EPB41: variants seen among roughly 807,000 people sequenced by gnomAD.
EPB41 encodes the protein protein 4.1.
A neutral mutation model predicts 108.0 loss-of-function variants in EPB41; 65 were observed. That is an observed-to-expected ratio of 0.60 (90% CI 0.49 to 0.74). EPB41 has a LOEUF of 0.74. Among genes scored for constraint, EPB41 ranks in the 30% least tolerant of loss-of-function variants. EPB41 has a pLI of 0.00. For missense variants in EPB41, 875 were observed against 1,037.0 expected (o/e 0.84, Z 2.15); for synonymous variants, 336 against 358.9 (o/e 0.94, Z 0.72).
intron 1 of EPB41, among the ~76,000 whole-genome samples, chr1:28,926,850 T>C (rs1401991674): frequency 6.6e-6 from 1 of 152,248 alleles, no homozygotes; most frequent in African/African-American, 2.4e-5. Flanking sequence ...CTAATGCTTA[T>C]TATATATAAA....
At chr1:28,928,793 G>A (rs1384721572) in intron 1 of EPB41, among the ~76,000 whole-genome samples, 1 of 152,192 alleles carries the variant, frequency 6.6e-6, no homozygotes, top group Non-Finnish European at 1.5e-5. Context: ...GAGTTTAAAT[G>A]TTAAAGGGGG....
At chr1:29,111,964 G>A (rs192323616) in intron 18 of EPB41, among the ~76,000 whole-genome samples, 273 of 149,930 alleles carry the variant, frequency 1.8e-3, no homozygotes, top group African/African-American at 6.5e-3. Flanking sequence ...ACAACAGAGC[G>A]AGACTCTGTC....
Position 29,008,777 on chromosome 1 carries a change from C to G in EPB41, c.787-3088C>G, listed in dbSNP as rs193225544. Among the ~76,000 whole-genome samples the G allele has an allele frequency of 2.6e-5, 4 of 152,316 alleles. No homozygotes were observed. The East Asian group carries it at 7.7e-4, about 29-fold the overall frequency. On this transcript the variant is annotated intron_variant, in intron 4 of 20. Coordinates refer to ENST00000343067, the MANE Select transcript of EPB41 (RefSeq NM_001376013.1). Reference sequence around the variant, plus strand: ...TGTTCTTTTCAGTTTTACATCTCTCCTCTTTGCCTCTGTGCTCCAGCTATG... The same window carrying G: ...TGTTCTTTTCAGTTTTACATCTCTCGTCTTTGCCTCTGTGCTCCAGCTATG...
At chr1:29,039,899 T>A (rs1035342641) in intron 11 of EPB41, among the ~76,000 whole-genome samples, 1 of 152,174 alleles carries the variant, frequency 6.6e-6, no homozygotes, top group African/African-American at 2.4e-5. Flanking sequence ...AAAGGAAAAT[T>A]GAGATTCCGA....
chr1:29,068,926 C>A, intron 16 of EPB41: 1 of 738,498 alleles, frequency 1.4e-6, no homozygotes, highest in Non-Finnish European at 1.9e-6. Context: ...ACACCCACAG[C>A]CTTTCGGCCT....
chr1:28,966,196 A>T (rs865927770), intron 1 of EPB41, among the ~76,000 whole-genome samples: 2 of 152,130 alleles, frequency 1.3e-5, no homozygotes, highest in African/African-American at 4.8e-5. Flanking sequence ...CAAAAAAAAA[A>T]AAAGAAAAAA....
At position 29,015,782 on chromosome 1, in the gene EPB41, G is replaced by A; in HGVS notation, c.905+15G>A. 6.7e-7 allele frequency: 1 copy of A among 1,487,086 alleles called. No homozygotes were observed. 92.1% of individuals were successfully genotyped at this position (1,487,086 alleles called of 1,614,324 possible). ...GACATAACAAGGTAAATAAGTAATA[G>A]TTAAATATGTAATTTATCATATAAT... On this transcript the variant is annotated intron_variant, in intron 6 of 20. Transcript: ENST00000343067.
At chr1:29,108,682 C>T (rs1011579599) in intron 17 of EPB41, among the ~76,000 whole-genome samples, 1 of 151,564 alleles carries the variant, frequency 6.6e-6, no homozygotes, top group Non-Finnish European at 1.5e-5. Context: ...CTCAGCCTCC[C>T]GAGTAGCTGG....
chr1:28,917,118 A>G (rs947190263), intron 1 of EPB41, among the ~76,000 whole-genome samples: 6 of 151,874 alleles, frequency 4.0e-5, no homozygotes, highest in South Asian at 2.1e-4. Context: ...AGTGTTTTAT[A>G]CCAAATGTCT....
intron 11 of EPB41, among the ~76,000 whole-genome samples, chr1:29,050,942 TGGGATTATA>T (rs1362678566): frequency 3.3e-5 from 5 of 152,132 alleles, no homozygotes; most frequent in South Asian, 2.1e-4. Flanking sequence ...CCCAAAGTGC[TGGGATTATA>T]GGCGTGAGCC....
In EPB41 at chr1:29,006,329, C is replaced by T. The variant is rs371641485; in HGVS notation, c.787-5536C>T. ...TTGGCTCACTGCAAGCTCCGCCTCCCGGGTTCACGCCATTCTCCTGCCTCA... is the reference window on the plus strand; with the variant it reads ...TTGGCTCACTGCAAGCTCCGCCTCCTGGGTTCACGCCATTCTCCTGCCTCA... On this transcript the variant is annotated intron_variant, in intron 4 of 20. Transcript: ENST00000343067. Among the ~76,000 whole-genome samples, 1,267 of 151,714 alleles carry T rather than the reference C, an allele frequency of 8.4e-3. 7 individuals carry two copies. The highest frequency in any genetic ancestry group is 0.015 in the Non-Finnish European group (1,017 of 67,896).
intron 1 of EPB41, among the ~76,000 whole-genome samples, chr1:28,915,731 C>CTTTTTTTTTTTTTTTTTTTTTG (rs11321625): frequency 1.8e-5 from 1 of 56,074 alleles, no homozygotes; most frequent in Admixed American, 2.6e-4. Context: ...TTTTCAGATG[C>CTTTTTTTTTTTTTTTTTTTTTG]TTTTTTTTTT....
At chr1:28,895,197 A>G (rs2147854218) in intron 1 of EPB41, among the ~76,000 whole-genome samples, 1 of 152,290 alleles carries the variant, frequency 6.6e-6, no homozygotes, top group East Asian at 1.9e-4. Flanking sequence ...GACTCTAGGG[A>G]GGGCCCTGAA....
At position 29,053,185 on chromosome 1, in the gene EPB41, G is replaced by A; in HGVS notation, c.1718G>A (p.Gly573Asp). The A allele has an allele frequency of 6.2e-7, 1 of 1,614,206 alleles. No homozygotes were observed. The highest frequency in any genetic ancestry group is 1.1e-5 in the South Asian group (1 of 91,088). ...AITQGQVAEG[G>D]VLDASAKKTV... ...ACTCAGGGTCAGGTTGCAGAAGGTG[G>A]CGTCCTAGATGCCTCTGCTAAAAAA... Residue 573 changes from glycine to aspartate, a missense_variant, in exon 12 of 21, where the codon GGC (glycine) becomes GAC (aspartate). Around this residue, in one of 3 missense-constraint regions of EPB41, gnomAD observed 519 missense variants for 627.3 expected, o/e 0.83. Coordinates refer to ENST00000343067, the MANE Select transcript of EPB41 (RefSeq NM_001376013.1).
At chr1:28,975,767 G>A (rs990639919) in intron 1 of EPB41, among the ~76,000 whole-genome samples, 7 of 151,948 alleles carry the variant, frequency 4.6e-5, no homozygotes, top group African/African-American at 1.7e-4. Context: ...AGGAGCTCGA[G>A]AACATCCTGG....
At chr1:29,090,009 A>G (rs1660621919) in intron 16 of EPB41, among the ~76,000 whole-genome samples, 1 of 152,218 alleles carries the variant, frequency 6.6e-6, no homozygotes, top group Non-Finnish European at 1.5e-5. Context: ...CACACCTGTA[A>G]TCTCAACACT....
intron 16 of EPB41, chr1:29,097,334 A>C: frequency 5.6e-6 from 1 of 178,798 alleles, no homozygotes; most frequent in Non-Finnish European, 1.2e-5. Flanking sequence ...AATCTCTGAC[A>C]TTGATTTGAA....
In EPB41 at chr1:29,115,888, G is replaced by C. The variant is rs1670778832; in HGVS notation, c.*6+85G>C. The C allele has an allele frequency of 9.6e-7, 1 of 1,039,840 alleles. No individual in the cohort carries two copies. Among genetic ancestry groups the C allele is most frequent in the Non-Finnish European group, 1.5e-6 (1 of 667,932 alleles). 64.4% of individuals were successfully genotyped at this position (1,039,840 alleles called of 1,614,324 possible). A position where few individuals can be genotyped will look rare whatever the true frequency, so the allele number is the denominator to read the frequency against. On this transcript the variant is annotated intron_variant, in intron 20 of 20. Coordinates refer to ENST00000343067, the MANE Select transcript of EPB41 (RefSeq NM_001376013.1). This position sits in a 1 kb window ranked among gnomAD's most constrained non-coding sequence, Gnocchi z 4.4. ...GATGGGACCCTCGGACACACTGGGA[G>C]CCCATCCCCACAAAGAGGTGTTCAC...
intron 1 of EPB41, among the ~76,000 whole-genome samples, chr1:28,904,431 T>C (rs963276937): frequency 1.3e-5 from 2 of 152,156 alleles, no homozygotes; most frequent in African/African-American, 4.8e-5. Context: ...CTTTGTAATC[T>C]GCAGAACCCT....
Sources: allele counts gnomAD v4.1 joint callset (sites outside exome capture counted in the v4.1 genomes callset), GRCh38; gene constraint gnomAD v4.1.1; regional missense constraint gnomAD v4.1.1; non-coding constraint Gnocchi (gnomAD v3.1); transcripts MANE v1.5; gene names NCBI Gene and HGNC (gene_info 2026-07-23, HGNC 2026-07-21).